Variants in PHACTR1 observed in about 807,000 individuals in gnomAD.
PHACTR1 encodes phosphatase and actin regulator 1.
In PHACTR1, 16 loss-of-function variants were observed where a neutral mutation model predicts 69.2. The ratio of observed to expected loss-of-function variants is 0.23; its 90% CI spans 0.16 to 0.35. PHACTR1 has a LOEUF of 0.35. Ranked by LOEUF, PHACTR1 falls within the 10% of genes least tolerant of loss-of-function variation. PHACTR1 has a pLI of 1.00. For synonymous variants in PHACTR1, 312 were observed against 284.5 expected, an observed-to-expected ratio of 1.10 and a Z score of -0.97; for missense variants, 510 against 734.7, an observed-to-expected ratio of 0.69 and a Z score of 3.54.
Position 12,931,765 on chromosome 6 carries a change from G to A in PHACTR1, c.251-121600G>A, listed in dbSNP as rs114225282. On this transcript the variant is annotated intron_variant, in intron 4 of 14. Coordinates refer to ENST00000332995, the MANE Select transcript of PHACTR1 (RefSeq NM_030948.6). ...CCTCGTATTCTTTCTGTTAGTGCAG[G>A]CAAGCAGAGGATGGCAAATGTGTGC... Among the ~76,000 whole-genome samples, 1,147 of 151,680 alleles carry A rather than the reference G, an allele frequency of 7.6e-3. 22 individuals carry two copies. Among genetic ancestry groups the A allele is most frequent in the African/African-American group, 0.026 (1,065 of 41,354 alleles).
intron 4 of PHACTR1, among the ~76,000 whole-genome samples, chr6:12,813,382 CATA>C (rs1212106492): frequency 6.6e-6 from 1 of 152,184 alleles, no homozygotes; most frequent in Admixed American, 6.5e-5. Flanking sequence ...GAAAACTTCA[CATA>C]TGTGTGCAGT....
intron 4 of PHACTR1, among the ~76,000 whole-genome samples, chr6:12,845,899 C>A (rs1475242955): frequency 2.6e-5 from 4 of 152,192 alleles, no homozygotes; most frequent in Non-Finnish European, 5.9e-5. Context: ...ACAAAGTAAG[C>A]AATTTCATTG....
At chr6:12,905,827 G>A (rs931361485) in intron 4 of PHACTR1, among the ~76,000 whole-genome samples, 3 of 152,172 alleles carry the variant, frequency 2.0e-5, no homozygotes, top group Admixed American at 6.5e-5. Flanking sequence ...TAGGATAGTA[G>A]GGGCTTAGAA....
chr6:12,738,539 T>C lies in PHACTR1; in HGVS notation c.104-11105T>C, dbSNP rs370095543. Among the ~76,000 whole-genome samples the C allele has an allele frequency of 3.3e-5, 5 of 152,190 alleles. No homozygotes were observed. The East Asian group carries it at 9.6e-4, about 29-fold the overall frequency. ...TTCAACTTCTGGCACTTCCTCCACG[T>C]TGACGAGCCAGCTCTCAGCATTCTA... On this transcript the variant is annotated intron_variant, in intron 3 of 14. Coordinates refer to ENST00000332995, the MANE Select transcript of PHACTR1 (RefSeq NM_030948.6).
intron 4 of PHACTR1, among the ~76,000 whole-genome samples, chr6:12,891,708 T>C (rs961874722): frequency 1.1e-4 from 16 of 152,220 alleles, no homozygotes; most frequent in African/African-American, 3.9e-4. Context: ...TTTATGAACA[T>C]GTAACCTATC....
At chr6:12,751,564 CAATAA>C (rs1410010003) in intron 4 of PHACTR1, among the ~76,000 whole-genome samples, 1 of 152,282 alleles carries the variant, frequency 6.6e-6, no homozygotes, top group East Asian at 1.9e-4. Flanking sequence ...TATCACAAAA[CAATAA>C]AATAAAGTGC....
intron 3 of PHACTR1, among the ~76,000 whole-genome samples, chr6:12,729,432 T>C (rs1763201533): frequency 6.6e-6 from 1 of 152,156 alleles, no homozygotes; most frequent in Non-Finnish European, 1.5e-5. Context: ...AAGAATACTC[T>C]GGGCTGTGTG....
rs867728352 is a variant in PHACTR1, at chr6:13,022,268, G to A, written c.251-31097G>A. Among the ~76,000 whole-genome samples, 7 of 152,334 alleles carry A rather than the reference G, an allele frequency of 4.6e-5. 1 individual carries two copies. In the East Asian group the frequency reaches 9.6e-4, roughly 21 times the overall value. On this transcript the variant is annotated intron_variant, in intron 4 of 14. Coordinates refer to ENST00000332995, the MANE Select transcript of PHACTR1 (RefSeq NM_030948.6). ...GGTGTTTGGTTAGAATGAGGAGGCC[G>A]AGGGGACCTCCGACGCCTCTACCTG...
chr6:13,218,873 G>GGAGGA, intron 8 of PHACTR1, among the ~76,000 whole-genome samples: 1 of 17,684 alleles, frequency 5.7e-5, no homozygotes, highest in South Asian at 1.2e-3. Context: ...GAAGAGAAGA[G>GGAGGA]AAGAGAAGAG....
chr6:12,922,202 G>C (rs193159889), intron 4 of PHACTR1, among the ~76,000 whole-genome samples: 1 of 152,076 alleles, frequency 6.6e-6, no homozygotes, highest in African/African-American at 2.4e-5. Context: ...CCTCACAAAG[G>C]ACTCTTCTCC....
At chr6:13,197,606 T>C (rs1764618257) in intron 7 of PHACTR1, among the ~76,000 whole-genome samples, 1 of 152,164 alleles carries the variant, frequency 6.6e-6, no homozygotes, top group Non-Finnish European at 1.5e-5. Context: ...TGCAGGTTTG[T>C]TACATATGTA....
At chr6:13,144,190 T>A (rs1822927025) in intron 5 of PHACTR1, among the ~76,000 whole-genome samples, 1 of 152,176 alleles carries the variant, frequency 6.6e-6, no homozygotes, top group Non-Finnish European at 1.5e-5. Flanking sequence ...CTGTTCAGCA[T>A]GACACTAGAA....
chr6:13,050,008 A>T (rs1433266446), intron 4 of PHACTR1, among the ~76,000 whole-genome samples: 1 of 152,198 alleles, frequency 6.6e-6, no homozygotes, highest in African/African-American at 2.4e-5. Flanking sequence ...GAAAGTGATG[A>T]GTATGAAAGA....
chr6:13,064,612 ATCTATC>A (rs1250544922), intron 5 of PHACTR1, among the ~76,000 whole-genome samples: 585 of 12,180 alleles, frequency 0.048, 159 homozygotes, highest in Non-Finnish European at 0.055. Flanking sequence ...ATATCTATAT[ATCTATC>A]TATCCACACT....
At chr6:13,059,894 A>T (rs934152214) in intron 5 of PHACTR1, among the ~76,000 whole-genome samples, 1 of 152,272 alleles carries the variant, frequency 6.6e-6, no homozygotes, top group Non-Finnish European at 1.5e-5. Context: ...GGTCGTTTGC[A>T]TATATATAAT....
chr6:12,878,706 C>G (rs1050248573), intron 4 of PHACTR1, among the ~76,000 whole-genome samples: 1 of 152,160 alleles, frequency 6.6e-6, no homozygotes, highest in African/African-American at 2.4e-5. Context: ...GGGCTTCTGA[C>G]AAATACTGAA....
chr6:13,032,319 G>A (rs1450517356), intron 4 of PHACTR1, among the ~76,000 whole-genome samples: 1 of 152,170 alleles, frequency 6.6e-6, no homozygotes, highest in East Asian at 1.9e-4. Flanking sequence ...TTCAGAGTCT[G>A]TTTATATGTA....
intron 10 of PHACTR1, among the ~76,000 whole-genome samples, chr6:13,247,913 C>T (rs547285658): frequency 2.6e-5 from 4 of 152,152 alleles, no homozygotes; most frequent in Non-Finnish European, 4.4e-5. Context: ...GAGCTACCAT[C>T]GACAAATTTG....
At chr6:12,929,393 C>T (rs1450664107) in intron 4 of PHACTR1, among the ~76,000 whole-genome samples, 2 of 152,282 alleles carry the variant, frequency 1.3e-5, no homozygotes, top group Non-Finnish European at 2.9e-5. Flanking sequence ...GCACCTGACT[C>T]CAGAGACCCC....
Sources: allele counts gnomAD v4.1 joint callset (sites outside exome capture counted in the v4.1 genomes callset), GRCh38; gene constraint gnomAD v4.1.1; transcripts MANE v1.5; gene names NCBI Gene and HGNC (gene_info 2026-07-23, HGNC 2026-07-21).